SVEP1: variants seen among roughly 807,000 people sequenced by gnomAD.
SVEP1 encodes sushi, von Willebrand factor type A, EGF and pentraxin domain containing 1.
SVEP1 carries 164 observed loss-of-function variants against 367.3 expected under a neutral mutation model. The ratio of observed to expected loss-of-function variants is 0.45; its 90% CI spans 0.39 to 0.51. The LOEUF (loss-of-function observed/expected upper bound fraction) is 0.51, where lower values mean the gene tolerates loss of function less well. SVEP1 is among the 20% of genes least tolerant of loss of function. The pLI, the probability that SVEP1 is intolerant of heterozygous loss-of-function variation, is 0.00. For missense variants in SVEP1, 4,117 were observed against 4,425.3 expected, an observed-to-expected ratio of 0.93 and a Z score of 1.98; for synonymous variants, 1,666 against 1,611.6, an observed-to-expected ratio of 1.03 and a Z score of -0.81.
At chr9:110,563,852 T>C (rs1830458329) in intron 1 of SVEP1, among the ~76,000 whole-genome samples, 1 of 152,210 alleles carries the variant, frequency 6.6e-6, no homozygotes, top group African/African-American at 2.4e-5. Context: ...GAGATTTCTA[T>C]GGTTCTCTGT....
chr9:110,431,647 A>T (rs953584138), intron 32 of SVEP1, among the ~76,000 whole-genome samples: 1 of 152,140 alleles, frequency 6.6e-6, no homozygotes, highest in Non-Finnish European at 1.5e-5. Context: ...TTATTCTTGT[A>T]CTATGTAGAC....
In SVEP1 at chr9:110,429,097, G is replaced by A. The variant is rs187761863; in HGVS notation, c.5807+46C>T. On this transcript the variant is annotated intron_variant, in intron 35 of 47. Coordinates refer to ENST00000374469, the MANE Select transcript of SVEP1 (RefSeq NM_153366.4). ...AAAATTAAAATAAAATAGGGAGCGA[G>A]TAACACAGTATTGTAGAAAGCTTGG... 15 of 1,411,056 alleles carry A rather than the reference G, an allele frequency of 1.1e-5. No homozygotes were observed. In the East Asian group the frequency reaches 2.2e-4, roughly 21 times the overall value. 87.4% of individuals were successfully genotyped at this position (1,411,056 alleles called of 1,614,324 possible).
chr9:110,401,599 A>G (rs1485760773), intron 39 of SVEP1, among the ~76,000 whole-genome samples: 1 of 151,004 alleles, frequency 6.6e-6, no homozygotes, highest in African/African-American at 2.4e-5. Flanking sequence ...TTTATAAAGA[A>G]ATCCTCAATA....
At chr9:110,387,208 C>T (rs1827538428) in intron 42 of SVEP1, 77 bp downstream of exon 42, 1 of 1,444,702 alleles carries the variant, frequency 6.9e-7, no homozygotes, top group Non-Finnish European at 9.2e-7. Context: ...AGTGGAGCTT[C>T]CTCTATGTTT....
intron 22 of SVEP1, among the ~76,000 whole-genome samples, chr9:110,454,803 T>C (rs1448242426): frequency 6.6e-6 from 1 of 152,086 alleles, no homozygotes; most frequent in Non-Finnish European, 1.5e-5. Flanking sequence ...CTGGATACTA[T>C]TAGAGGGGAG....
rs1314798152 is a variant in SVEP1 at position 110,579,037 on chromosome 9, G to C, written c.507C>G (p.Thr169=). ...CCGCGGCTTGCTGGAAGGCGCCCTTGGTGTAGGTGCCGCCACCTCGGTAGG... is the reference window on the plus strand; with the variant it reads ...CCGCGGCTTGCTGGAAGGCGCCCTTCGTGTAGGTGCCGCCACCTCGGTAGG... ...AISYRGGGTY[T]KGAFQQAAQI... The change falls in exon 1 of 48, where the codon ACC becomes ACG. Residue 169 remains threonine, a synonymous_variant. Transcript: ENST00000374469. The surrounding 1 kb of genome is among the most constrained non-coding windows in gnomAD (Gnocchi z 5.3). 2 of 1,548,696 alleles carry C rather than the reference G, an allele frequency of 1.3e-6. No individual in the cohort carries two copies. Among genetic ancestry groups the C allele is most frequent in the Admixed American group, 2.0e-5 (1 of 50,992 alleles).
chr9:110,459,231 T>G, intron 18 of SVEP1, 118 bp from the exon 19 acceptor site: 1 of 904,136 alleles, frequency 1.1e-6, no homozygotes, highest in Non-Finnish European at 1.6e-6. Context: ...ATCTCTTCCA[T>G]ATATTTAATA....
intron 43 of SVEP1, among the ~76,000 whole-genome samples, chr9:110,382,120 A>G (rs572131168): frequency 6.6e-6 from 1 of 151,676 alleles, no homozygotes; most frequent in East Asian, 1.9e-4. Flanking sequence ...GCCTGTCATC[A>G]TGATTCTAGG....
chr9:110,538,210 C>G (rs149426483), intron 3 of SVEP1, among the ~76,000 whole-genome samples: 10 of 152,056 alleles, frequency 6.6e-5, no homozygotes, highest in Non-Finnish European at 7.4e-5. Context: ...AGAAATGGAA[C>G]AAACTAGCCT....
chr9:110,390,170 A>AGT (rs1491555313), intron 40 of SVEP1, among the ~76,000 whole-genome samples: 1 of 56,088 alleles, frequency 1.8e-5, no homozygotes, highest in East Asian at 3.7e-4. Flanking sequence ...TACTTATATA[A>AGT]GTATGTATGT....
intron 18 of SVEP1, among the ~76,000 whole-genome samples, chr9:110,464,503 C>T (rs570866820): frequency 8.5e-5 from 13 of 152,308 alleles, no homozygotes; most frequent in African/African-American, 2.9e-4. Flanking sequence ...GCTGGAAACG[C>T]CCCTTCCTGC....
At chr9:110,511,161 C>T (rs754743358) in intron 5 of SVEP1, among the ~76,000 whole-genome samples, 8 of 152,036 alleles carry the variant, frequency 5.3e-5, no homozygotes, top group Admixed American at 1.3e-4. Context: ...GATTATTTCC[C>T]GACATAAATC....
intron 17 of SVEP1, 108 bp from the exon 18 acceptor site, chr9:110,466,134 A>C: frequency 8.5e-7 from 1 of 1,180,598 alleles, no homozygotes; most frequent in South Asian, 1.8e-5. Context: ...AGAAGGACAG[A>C]ATGAGGGACC....
At chr9:110,405,291 G>A (rs548337256) in intron 38 of SVEP1, among the ~76,000 whole-genome samples, 167 of 151,184 alleles carry the variant, frequency 1.1e-3, no homozygotes, top group Non-Finnish European at 2.0e-3. Context: ...GATACTAGTA[G>A]GAATACAGCA....
In SVEP1 at chr9:110,379,443, T is replaced by A. The variant is rs1827401873; in HGVS notation, c.10312A>T (p.Ile3438Phe). 1 of 1,613,692 alleles carries A rather than the reference T, an allele frequency of 6.2e-7. No individual in the cohort carries two copies. Residue 3438 changes from isoleucine to phenylalanine, a missense_variant, in exon 44 of 48, where the codon ATC (isoleucine) becomes TTC (phenylalanine). Ile to Phe is a conservative substitution (Grantham distance 21). Around this residue, in one of 4 missense-constraint regions of SVEP1, gnomAD observed 1,765 missense variants for 1,781.1 expected, o/e 0.99. Coordinates refer to ENST00000374469, the MANE Select transcript of SVEP1 (RefSeq NM_153366.4). ...RGVHYQYGDMITYSCYSGYML... is the reference protein window; with the variant it reads ...RGVHYQYGDMFTYSCYSGYML... The stretch of plus-strand genomic sequence containing the variant: ...TATCCACTGTAACATGAGTAGGTGA[T>A]CATGTCTCCATATTGATAATGTACG...
Position 110,407,335 on chromosome 9 carries a change from C to T in SVEP1, c.8265G>A (p.Arg2755=). ...TCCACTTTCTATTCTCTAGACAAAG[C>T]CTTAAGTCAGAGCCTGCTAGAATGT... ...PGHILAGSDL[R]LCLENRKWSG... Residue 2755 remains arginine (R), a synonymous_variant, in exon 38 of 48, where the codon AGG becomes AGA. Transcript: ENST00000374469. 6.2e-7 allele frequency: 1 copy of T among 1,613,958 alleles called. No homozygotes were observed.
intron 9 of SVEP1, among the ~76,000 whole-genome samples, chr9:110,486,741 G>A (rs371624719): frequency 6.7e-6 from 1 of 150,350 alleles, no homozygotes; most frequent in African/African-American, 2.5e-5. Flanking sequence ...TCCGTCTCCC[G>A]GATTAAAGCA....
intron 16 of SVEP1, among the ~76,000 whole-genome samples, chr9:110,469,516 G>A (rs775956988): frequency 6.6e-6 from 1 of 152,178 alleles, no homozygotes; most frequent in Non-Finnish European, 1.5e-5. Flanking sequence ...TTCTCTGAAT[G>A]CTTCCCCATT....
rs1222527800 is a variant in SVEP1 at position 110,503,063 on chromosome 9, C to T, written c.1458G>A (p.Trp486Ter). ...DKLTCQGNSQWDGPEPRCVER... is the reference protein window; with the variant it reads ...DKLTCQGNSQ ...CCACACACCGGGGTTCTGGCCCATC[C>T]CACTGGCTGTTTCCTTGACAAGTAA... is the stretch of plus-strand genomic sequence containing the variant. The change falls in exon 6 of 48, where the codon TGG (tryptophan) becomes TGA (stop). Residue 486 changes from tryptophan to a stop codon, truncating the protein, a stop_gained. Coordinates refer to ENST00000374469, the MANE Select transcript of SVEP1 (RefSeq NM_153366.4). LOFTEE classifies it high-confidence loss of function. 1 of 1,607,116 alleles carries T rather than the reference C, an allele frequency of 6.2e-7. No homozygotes were observed. The highest frequency in any genetic ancestry group is 1.7e-5 in the Admixed American group (1 of 59,588).
Sources: gnomAD v4.1 joint callset for allele counts (sites outside exome capture counted in the v4.1 genomes callset) on GRCh38, gnomAD v4.1.1 for gene constraint, gnomAD v4.1.1 regional missense constraint, Gnocchi (gnomAD v3.1) non-coding constraint, MANE v1.5 for transcripts, NCBI Gene and HGNC (gene_info 2026-07-23, HGNC 2026-07-21) for gene names.